TSC2: variants seen among roughly 807,000 people sequenced by gnomAD.
TSC2 encodes TSC complex subunit 2, also known as tuberin.
A neutral mutation model predicts 202.2 loss-of-function variants in TSC2; 29 were observed. The observed-to-expected ratio is 0.14, with a 90% CI of 0.11 to 0.20. The LOEUF is 0.20. Ranked by LOEUF, TSC2 falls within the 10% of genes least tolerant of loss-of-function variation. The pLI, the probability that TSC2 is intolerant of heterozygous loss-of-function variation, is 1.00. For synonymous variants in TSC2, 1,349 were observed against 1,044.0 expected (o/e 1.29, Z -5.63); for missense variants, 2,429 against 2,420.0 (o/e 1.00, Z -0.08).
intron 30 of TSC2, 186 bp downstream of exon 30, chr16:2,080,563 A>C (rs899280902): frequency 1.8e-5 from 12 of 673,674 alleles, no homozygotes; most frequent in South Asian, 9.7e-5. Flanking sequence ...GGCTCACTGC[A>C]AGCTCCACCT....
intron 14 of TSC2, chr16:2,063,900 C>G: frequency 2.6e-6 from 1 of 386,300 alleles, no homozygotes; most frequent in Non-Finnish European, 5.0e-6. Flanking sequence ...GTGCACATGC[C>G]CACGCGTGCA....
chr16:2,070,293 T>C (rs1049752047), intron 16 of TSC2, among the ~76,000 whole-genome samples, 163 bp from the exon 17 acceptor site: 1 of 152,084 alleles, frequency 6.6e-6, no homozygotes. Flanking sequence ...TACTTTTTGC[T>C]GCTGTGGAGA....
At chr16:2,060,439 A>G (rs2151131295) in intron 10 of TSC2, among the ~76,000 whole-genome samples, 1 of 152,326 alleles carries the variant, frequency 6.6e-6, no homozygotes, top group African/African-American at 2.4e-5. Context: ...TGTCCGAGTC[A>G]GGGACTTTGC....
At chr16:2,055,113 C>T (rs1263761967) in intron 5 of TSC2, 5 of 494,596 alleles carry the variant, frequency 1.0e-5, no homozygotes, top group South Asian at 4.0e-5. Flanking sequence ...CTCCCAGCCT[C>T]GGGTTGGGCC....
At position 2,062,494 on chromosome 16, in the gene TSC2, C is replaced by T. The variant is rs45517161; in HGVS notation, c.1258-3C>T. ...GGGGCAACACCGGCTCTTCTTTTGA[C>T]AGGAGTCCTCCCTCCTGAACCTGAT... On this transcript the variant is annotated splice_region_variant and splice_polypyrimidine_tract_variant and intron_variant, in intron 12 of 41. Coordinates refer to ENST00000219476, the MANE Select transcript of TSC2 (RefSeq NM_000548.5). 6 of 1,607,786 alleles carry T rather than the reference C, an allele frequency of 3.7e-6. No individual in the cohort carries two copies. Among genetic ancestry groups the T allele is most frequent in the Admixed American group, 1.7e-5 (1 of 59,422 alleles).
rs1374147159 is a variant in TSC2 at position 2,070,741 on chromosome 16, T to G, written c.1839+163T>G. 2.6e-5 allele frequency among the ~76,000 whole-genome samples: 4 copies of G among 152,350 alleles called. No individual in the cohort carries two copies. The East Asian group carries it at 5.8e-4, about 22-fold the overall frequency. ...GTGGCCGCAGCCTCCCCAGTCCTGG[T>G]GTCCTTCCCTCTGCCTGCAGTCCAC... On this transcript the variant is annotated intron_variant, in intron 17 of 41. Coordinates refer to ENST00000219476, the MANE Select transcript of TSC2 (RefSeq NM_000548.5).
rs765802120 is a variant in TSC2 at position 2,053,869 on chromosome 16, C to G, written c.336+417C>G. ...CACCCAGGCCTCTTGGTGTTCCTGC[C>G]TCCCCTGGTCGGCCACTTCTACTCC... On this transcript the variant is annotated intron_variant, in intron 4 of 41. Transcript: ENST00000219476. The G allele has an allele frequency of 1.6e-4, 76 of 474,240 alleles. 1 individual carries two copies. Among genetic ancestry groups the G allele is most frequent in the Middle Eastern group, 9.4e-4 (3 of 3,186 alleles). 29.4% of individuals were successfully genotyped at this position (474,240 alleles called of 1,614,324 possible).
At position 2,074,278 on chromosome 16, in the gene TSC2, A is replaced by G; in HGVS notation, c.2434A>G (p.Ser812Gly). ...SQCVVALSICSVEMPDIIIKA... is the reference protein window; with the variant it reads ...SQCVVALSICGVEMPDIIIKA... ...GTGCGTCGTGGCCTTGTCCATCTGC[A>G]GCGTGGAGATGCCTGACATCATCAT... The change falls in exon 22 of 42, where the codon AGC becomes GGC. Residue 812 changes from serine (S) to glycine (G), a missense_variant. Ser to Gly is a moderately conservative substitution (Grantham distance 56). Coordinates refer to ENST00000219476, the MANE Select transcript of TSC2 (RefSeq NM_000548.5). 1.2e-6 allele frequency: 2 copies of G among 1,613,140 alleles called. No homozygotes were observed. The highest frequency in any genetic ancestry group is 8.5e-7 in the Non-Finnish European group (1 of 1,180,014).
intron 7 of TSC2, among the ~76,000 whole-genome samples, 174 bp from the exon 8 acceptor site, chr16:2,056,470 G>T (rs77281500): frequency 6.6e-6 from 1 of 152,360 alleles, no homozygotes; most frequent in East Asian, 1.9e-4. Context: ...ACAGTGACAG[G>T]GACGTCAGGT....
chr16:2,055,029 A>G (rs2085592117), intron 5 of TSC2: 1 of 371,456 alleles, frequency 2.7e-6, no homozygotes, highest in Non-Finnish European at 5.2e-6. Context: ...CCGGCAGCCA[A>G]GTGTGCACAC....
intron 2 of TSC2, among the ~76,000 whole-genome samples, chr16:2,050,017 G>T (rs963930214): frequency 6.7e-6 from 1 of 149,348 alleles, no homozygotes; most frequent in African/African-American, 2.5e-5. Context: ...GCGCAGGGGC[G>T]CGATCTCGGC....
chr16:2,048,870 C>T (rs1214488288), intron 2 of TSC2, 117 bp downstream of exon 2: 3 of 1,439,994 alleles, frequency 2.1e-6, no homozygotes, highest in African/African-American at 1.4e-5. Context: ...CACAGGAATG[C>T]TGTCTCCAGT....
chr16:2,056,524 C>T lies in TSC2; in HGVS notation c.649-120C>T. The T allele has an allele frequency of 2.8e-6, 4 of 1,441,542 alleles. No individual in the cohort carries two copies. The South Asian group carries it at 3.9e-5, about 14-fold the overall frequency. 89.3% of individuals were successfully genotyped at this position (1,441,542 alleles called of 1,614,324 possible). A position where few individuals can be genotyped will look rare whatever the true frequency, so the allele number is the denominator to read the frequency against. ...TGCCCTGTGGCTTGGAGAGAGGGTG[C>T]CATGGCAGCGGGGAGAGGTGGCAGC... On this transcript the variant is annotated intron_variant, in intron 7 of 41. Coordinates refer to ENST00000219476, the MANE Select transcript of TSC2 (RefSeq NM_000548.5).
At chr16:2,048,130 C>A in intron 1 of TSC2, 65 bp downstream of exon 1, 1 of 1,509,674 alleles carries the variant, frequency 6.6e-7, no homozygotes, top group South Asian at 1.3e-5. Context: ...AGAGGCGGAC[C>A]CCGCAGTGTC....
Position 2,050,454 on chromosome 16 carries a change from T to G in TSC2, c.193T>G (p.Cys65Gly). 1 of 1,613,986 alleles carries G rather than the reference T, an allele frequency of 6.2e-7. No homozygotes were observed. ...NNRIRMIGQI[C>G]EVAKTKKFEE... Reference sequence around the variant, plus strand: ...TCGCATCCGGATGATAGGGCAGATTTGTGAAGTCGCAAAAACCAAGAAATT... The same window carrying G: ...TCGCATCCGGATGATAGGGCAGATTGGTGAAGTCGCAAAAACCAAGAAATT... The change falls in exon 3 of 42, where the codon TGT becomes GGT. Residue 65 changes from cysteine (C) to glycine (G), a missense_variant. Cys to Gly is a radical substitution (Grantham distance 159). Coordinates refer to ENST00000219476, the MANE Select transcript of TSC2 (RefSeq NM_000548.5).
intron 16 of TSC2, among the ~76,000 whole-genome samples, chr16:2,066,653 T>G (rs1024858336): frequency 1.1e-5 from 1 of 88,384 alleles, no homozygotes; most frequent in African/African-American, 8.8e-5. Flanking sequence ...TGATTTATCT[T>G]TTTTTTTTTT....
At chr16:2,066,997 C>T (rs1000202234) in intron 16 of TSC2, among the ~76,000 whole-genome samples, 4 of 151,956 alleles carry the variant, frequency 2.6e-5, no homozygotes, top group African/African-American at 9.7e-5. Flanking sequence ...GCATCACTTA[C>T]GTGTGACTGT....
chr16:2,083,187 G>C (rs2090345619), intron 32 of TSC2: 2 of 457,994 alleles, frequency 4.4e-6, no homozygotes, highest in Non-Finnish European at 8.8e-6. Flanking sequence ...CACAGGAAAT[G>C]CTGCTTTGGG....
rs975888570 is a variant in TSC2, at chr16:2,069,848, C to T, written c.1717-608C>T. On this transcript the variant is annotated intron_variant, in intron 16 of 41. Transcript: ENST00000219476. ...CAGGCTGGTCTTGAACTCCTAACTT[C>T]GTGATCCACCCACTTCAGCCTCCCA... 4.0e-5 allele frequency among the ~76,000 whole-genome samples: 6 copies of T among 151,898 alleles called. No individual in the cohort carries two copies. The East Asian group carries it at 7.8e-4, about 20-fold the overall frequency.
Sources: gnomAD v4.1 joint callset for allele counts (sites outside exome capture counted in the v4.1 genomes callset) on GRCh38, gnomAD v4.1.1 for gene constraint, MANE v1.5 for transcripts, NCBI Gene and HGNC (gene_info 2026-07-23, HGNC 2026-07-21) for gene names.